CACNA1F: variants seen among roughly 807,000 people sequenced by gnomAD.
CACNA1F encodes the protein voltage-dependent L-type calcium channel subunit alpha-1F.
CACNA1F carries 59 observed loss-of-function variants against 143.8 expected under a neutral mutation model. That is an observed-to-expected ratio of 0.41 (90% confidence interval 0.33 to 0.51). CACNA1F has a LOEUF of 0.51. Ranked by LOEUF, CACNA1F falls within the 20% of genes least tolerant of loss-of-function variation. CACNA1F has a pLI of 0.22. For missense variants in CACNA1F, 1,411 were observed against 1,647.5 expected, an observed-to-expected ratio of 0.86 and a Z score of 2.48; for synonymous variants, 643 against 649.1, an observed-to-expected ratio of 0.99 and a Z score of 0.14.
At position 49,211,327 on chromosome X, in the gene CACNA1F, A is replaced by C; in HGVS notation, c.4255T>G (p.Phe1419Val). The part of the protein sequence containing the change: ...YFISFFMLCA[F>V]LIINLFVAVI... ...TGTGAGGAAATGGTTCTCACCAGGA[A>C]GGCACAGAGCATGAAGAAGCTGATG... is the stretch of plus-strand genomic sequence containing the variant. Residue 1419 changes from phenylalanine (F) to valine (V), a missense_variant, in exon 36 of 48, where the codon TTC (phenylalanine) becomes GTC (valine). Phe to Val is a conservative substitution (Grantham distance 50, BLOSUM62 -1). This residue lies in a region of CACNA1F where 112 missense variants were observed against 169.2 expected (regional missense o/e 0.66). Coordinates refer to ENST00000323022, the MANE Select transcript of CACNA1F (RefSeq NM_001256789.3). 1 of 1,211,408 alleles carries C rather than the reference A, an allele frequency of 8.3e-7. No homozygotes were observed. Among genetic ancestry groups the C allele is most frequent in the Non-Finnish European group, 1.1e-6 (1 of 895,089 alleles).
At position 49,223,232 on chromosome X, in the gene CACNA1F, C is replaced by T. The variant is rs2065790805; in HGVS notation, c.1878-96G>A. ...GGGCAGGGCTCCAGCTTGAGATGCA[C>T]CTCGGCAGGTTGGGCTCAAATAGGC... On this transcript the variant is annotated intron_variant, in intron 14 of 47. Transcript: ENST00000323022. The T allele has an allele frequency of 1.1e-5, 6 of 565,863 alleles. No homozygotes were observed. In the South Asian group the frequency reaches 1.5e-4, roughly 14 times the overall value. The allele number at this position is 565,863 out of a possible 1,213,427, so 46.6% of individuals were successfully genotyped here.
At chrX:49,219,866 G>A in intron 19 of CACNA1F, 76 bp from the exon 20 acceptor site, 1 of 615,939 alleles carries the variant, frequency 1.6e-6, no homozygotes, top group East Asian at 3.5e-5. Flanking sequence ...TTTGCCACGT[G>A]GTCAATTCTT....
rs782074040 is a variant in CACNA1F at position 49,222,976 on chromosome X, G to A, written c.2038C>T (p.Arg680Ter). 2.5e-6 allele frequency: 3 copies of A among 1,197,244 alleles called. No homozygotes were observed. Among genetic ancestry groups the A allele is most frequent in the Non-Finnish European group, 3.4e-6 (3 of 889,122 alleles). The change falls in exon 15 of 48, where the codon CGA (arginine) becomes TGA (stop). Residue 680 changes from arginine (R) to a stop codon, truncating the protein, a stop_gained. Transcript: ENST00000323022. LOFTEE classifies it high-confidence loss of function. ...TGGGGGAACGTGTCAAAGGTGCTTC[G>A]CTTGGTGTGGGTCTGGTCAAAGTTG... ...KFNFDQTHTK[R>*]STFDTFPQAL...
rs1403532021 is a variant in CACNA1F at position 49,219,782 on chromosome X, C to G, written c.2395G>C (p.Glu799Gln). 6.4e-6 allele frequency: 7 copies of G among 1,092,256 alleles called. No homozygotes were observed. The highest frequency in any genetic ancestry group is 8.7e-6 in the Non-Finnish European group (7 of 805,165). The allele number at this position is 1,092,256 out of a possible 1,213,427, so 90.0% of individuals were successfully genotyped here. A position where few individuals can be genotyped will look rare whatever the true frequency, so the allele number is the denominator to read the frequency against. The stretch of plus-strand genomic sequence containing the variant: ...TCCTCTTCTTCCTCCTCCTCCTCCT[C>G]CTCCATGTCTGGCACCAGAGAAAAG... The part of the protein sequence containing the change: ...GARREGADME[E>Q]EEEEEEEEEE... The change falls in exon 20 of 48, where the codon GAG becomes CAG. Residue 799 changes from glutamate (E) to glutamine (Q), a missense_variant. Glu to Gln is a conservative substitution (Grantham distance 29). This residue lies in a region of CACNA1F where 950 missense variants were observed against 1,128.1 expected (regional missense o/e 0.84). Coordinates refer to ENST00000323022, the MANE Select transcript of CACNA1F (RefSeq NM_001256789.3).
intron 27 of CACNA1F, among the ~76,000 whole-genome samples, chrX:49,216,111 C>A (rs1557107325): frequency 9.0e-6 from 1 of 110,556 alleles, no homozygotes; most frequent in East Asian, 2.8e-4. Context: ...CCTTTCCAGG[C>A]TTCTATCTAG....
At chrX:49,213,787 G>A (rs1306252118) in intron 31 of CACNA1F, 32 bp downstream of exon 31, 21 of 1,030,988 alleles carry the variant, frequency 2.0e-5, no homozygotes, top group African/African-American at 3.7e-5. Flanking sequence ...TGTATAGGGC[G>A]AGAGTGGATT....
Position 49,226,221 on chromosome X carries a change from C to G in CACNA1F, c.1486G>C (p.Val496Leu). Residue 496 changes from valine (V) to leucine (L), a missense_variant, in exon 12 of 48, where the codon GTC (valine) becomes CTC (leucine). Physicochemically the swap from Val to Leu is conservative, Grantham distance 32. Around this residue, in one of 3 missense-constraint regions of CACNA1F, gnomAD observed 950 missense variants for 1,128.1 expected, o/e 0.84. Transcript: ENST00000323022. ...TGCACAACTTTCCCAACTCACCAGACTCTGGTTTTCATGATCTTGTTTCTG... is the reference window on the plus strand; with the variant it reads ...TGCACAACTTTCCCAACTCACCAGAGTCTGGTTTTCATGATCTTGTTTCTG... ...RCLNKIMKTR[V>L]CRRLRRANRV... is the part of the protein sequence containing the mutation. 8.3e-7 allele frequency: 1 copy of G among 1,207,890 alleles called. No individual in the cohort carries two copies. Among genetic ancestry groups the G allele is most frequent in the Non-Finnish European group, 1.1e-6 (1 of 892,036 alleles).
intron 6 of CACNA1F, among the ~76,000 whole-genome samples, chrX:49,228,738 T>G (rs1430271105): frequency 4.5e-5 from 5 of 112,275 alleles, no homozygotes; most frequent in African/African-American, 6.5e-5. Flanking sequence ...CTAATTTTTT[T>G]TGTATTTTTA....
At chrX:49,221,989 A>T (rs1489654493) in intron 17 of CACNA1F, among the ~76,000 whole-genome samples, 2 of 87,701 alleles carry the variant, frequency 2.3e-5, no homozygotes, top group African/African-American at 6.8e-5. Context: ...ATATCAGAAT[A>T]AAAAAAAAAA....
intron 13 of CACNA1F, among the ~76,000 whole-genome samples, chrX:49,225,267 G>T (rs1239750613): frequency 9.0e-6 from 1 of 110,648 alleles, no homozygotes; most frequent in Non-Finnish European, 1.9e-5. Context: ...AGAGTCTAGG[G>T]TTTCTTCGGG....
At chrX:49,222,694 A>C (rs1557108965) in intron 16 of CACNA1F, 24 bp downstream of exon 16, 8 of 1,211,408 alleles carry the variant, frequency 6.6e-6, no homozygotes, top group Non-Finnish European at 8.9e-6. Context: ...ACCATCATCC[A>C]GCCCCACAAA....
rs1557109048 is a variant in CACNA1F at position 49,222,916 on chromosome X, C to T, written c.2085+13G>A. 1.3e-6 allele frequency: 1 copy of T among 776,311 alleles called. No individual in the cohort carries two copies. The highest frequency in any genetic ancestry group is 1.9e-6 in the Non-Finnish European group (1 of 531,967). 64.0% of individuals were successfully genotyped at this position (776,311 alleles called of 1,213,427 possible). ...CTCCCCGACCCACCCATCCCATGGT[C>T]TCCAGATCCTACCTGAAAGACAGTG... On this transcript the variant is annotated intron_variant, in intron 15 of 47. Transcript: ENST00000323022.
intron 21 of CACNA1F, 47 bp downstream of exon 21, chrX:49,219,274 C>A (rs1382535995): frequency 5.7e-5 from 67 of 1,183,714 alleles, no homozygotes; most frequent in Non-Finnish European, 6.6e-5. Context: ...CACTAGGACA[C>A]CCCTGGGAGT....
intron 17 of CACNA1F, chrX:49,222,248 T>A (rs2065781549): frequency 2.7e-6 from 1 of 364,313 alleles, no homozygotes. Flanking sequence ...ATTTGTTTTA[T>A]TTTTCTTGCC....
At chrX:49,226,386 G>C in intron 11 of CACNA1F, 23 bp downstream of exon 11, 2 of 1,169,085 alleles carry the variant, frequency 1.7e-6, no homozygotes, top group Non-Finnish European at 2.3e-6. Flanking sequence ...TTCTGGGCTG[G>C]GTCAGGGGCT....
intron 27 of CACNA1F, among the ~76,000 whole-genome samples, chrX:49,215,959 C>T (rs1231425404): frequency 4.6e-5 from 5 of 109,093 alleles, no homozygotes; most frequent in Non-Finnish European, 9.5e-5. Flanking sequence ...AATCCCCACT[C>T]CATCTCCCCA....
At position 49,205,227 on chromosome X, in the gene CACNA1F, G is replaced by A. The variant is rs2065580529; in HGVS notation, c.5811C>T (p.Thr1937=). Reference sequence around the variant, plus strand: ...ACTCCTCGTCGCTATAGAGAGAGCTGGTTCCCTGTGCCAGCAGGTCACTGG... The same window carrying A: ...ACTCCTCGTCGCTATAGAGAGAGCTAGTTCCCTGTGCCAGCAGGTCACTGG... The part of the protein sequence containing the change: ...NAASDLLAQG[T]SSLYSDEESI... Residue 1937 remains threonine, a synonymous_variant, in exon 48 of 48, where the codon ACC becomes ACT. Transcript: ENST00000323022. 2 of 1,210,183 alleles carry A rather than the reference G, an allele frequency of 1.7e-6. No individual in the cohort carries two copies. The highest frequency in any genetic ancestry group is 5.9e-5 in the East Asian group (2 of 33,792).
In CACNA1F at chrX:49,223,181, G is replaced by A. The variant is rs781961663; in HGVS notation, c.1878-45C>T. On this transcript the variant is annotated intron_variant, in intron 14 of 47. Transcript: ENST00000323022. ...GGGCAGGGTCGATGCCATGTCCACT[G>A]GACATGGCTGGAGCATCAGGAGCCA... The A allele has an allele frequency of 1.8e-5, 16 of 888,009 alleles. No individual in the cohort carries two copies. The South Asian group carries it at 3.4e-4, about 19-fold the overall frequency. The allele number at this position is 888,009 out of a possible 1,213,427, so 73.2% of individuals were successfully genotyped here.
At position 49,205,131 on chromosome X, in the gene CACNA1F, G is replaced by A. The variant is rs1557104451; in HGVS notation, c.*6C>T. On this transcript the variant is annotated 3_prime_UTR_variant, in exon 48 of 48. Transcript: ENST00000323022. ...GTTTATTGAGCAGTTGGGGAGGGGT[G>A]GGAATTCAGAGGGCGTGGACGCAGG... 1 of 1,186,880 alleles carries A rather than the reference G, an allele frequency of 8.4e-7. No homozygotes were observed.
Sources: gnomAD v4.1 joint callset for allele counts (sites outside exome capture counted in the v4.1 genomes callset) on GRCh38, gnomAD v4.1.1 for gene constraint, gnomAD v4.1.1 regional missense constraint, MANE v1.5 for transcripts, NCBI Gene and HGNC (gene_info 2026-07-23, HGNC 2026-07-21) for gene names.